TRAPPC9: variants seen among roughly 807,000 people sequenced by gnomAD.
TRAPPC9 encodes the protein trafficking protein particle complex subunit 9.
TRAPPC9 carries 83 observed loss-of-function variants against 124.0 expected under a neutral mutation model. The observed-to-expected ratio is 0.67, with a 90% CI of 0.56 to 0.80. TRAPPC9 has a LOEUF of 0.80. Among genes scored for constraint, TRAPPC9 ranks in the 30% least tolerant of loss-of-function variants. The pLI is 0.00. For missense variants in TRAPPC9, 1,302 were observed against 1,508.3 expected (o/e 0.86, Z 2.27); for synonymous variants, 638 against 617.5 (o/e 1.03, Z -0.49).
In TRAPPC9 at chr8:139,830,601, G is replaced by A. The variant is rs576878443; in HGVS notation, c.3055+55278C>T. ...ACACATACACATGCACACACCACAC[G>A]CATACACCACACGCATACACACACA... On this transcript the variant is annotated intron_variant, in intron 21 of 22. Coordinates refer to ENST00000438773, the MANE Select transcript of TRAPPC9 (RefSeq NM_001160372.4). 2.9e-4 allele frequency among the ~76,000 whole-genome samples: 43 copies of A among 149,286 alleles called. 1 individual carries two copies. Among genetic ancestry groups the A allele is most frequent in the African/African-American group, 5.2e-4 (21 of 40,342 alleles).
At chr8:140,017,425 G>A (rs1224146185) in intron 18 of TRAPPC9, among the ~76,000 whole-genome samples, 1 of 152,160 alleles carries the variant, frequency 6.6e-6, no homozygotes, top group Non-Finnish European at 1.5e-5. Context: ...GTGAAGGGTT[G>A]TTTTTATTCC....
chr8:140,173,478 C>T (rs1257052998), intron 17 of TRAPPC9, among the ~76,000 whole-genome samples: 1 of 149,150 alleles, frequency 6.7e-6, no homozygotes, highest in East Asian at 2.0e-4. Context: ...GGCGTGAACC[C>T]AGGACGTGGA....
At chr8:140,297,422 C>T (rs1425201469) in intron 11 of TRAPPC9, among the ~76,000 whole-genome samples, 3 of 152,042 alleles carry the variant, frequency 2.0e-5, no homozygotes, top group South Asian at 2.1e-4. Context: ...CATATACACA[C>T]GCATACACAC....
At chr8:140,234,570 A>T (rs1489315414) in intron 16 of TRAPPC9, among the ~76,000 whole-genome samples, 1 of 152,254 alleles carries the variant, frequency 6.6e-6, no homozygotes, top group Non-Finnish European at 1.5e-5. Flanking sequence ...AGACAGAGAA[A>T]AAAAAGAACT....
intron 17 of TRAPPC9, among the ~76,000 whole-genome samples, chr8:140,066,164 C>A (rs1842886225): frequency 1.3e-5 from 2 of 152,168 alleles, no homozygotes; most frequent in Admixed American, 1.3e-4. Flanking sequence ...GAAGTAACTG[C>A]AGATATGGTA....
At chr8:139,902,678 T>C (rs1831094167) in intron 20 of TRAPPC9, among the ~76,000 whole-genome samples, 1 of 152,194 alleles carries the variant, frequency 6.6e-6, no homozygotes, top group Admixed American at 6.5e-5. Flanking sequence ...TATTTAATTT[T>C]TTTCAGGAGA....
intron 21 of TRAPPC9, among the ~76,000 whole-genome samples, chr8:139,807,158 C>T (rs941305530): frequency 2.0e-5 from 3 of 152,308 alleles, no homozygotes; most frequent in South Asian, 2.1e-4. Context: ...GGATTTCCAG[C>T]GCAGAGAGCT....
At chr8:139,943,442 A>C (rs1472485459) in intron 19 of TRAPPC9, among the ~76,000 whole-genome samples, 1 of 152,226 alleles carries the variant, frequency 6.6e-6, no homozygotes, top group Non-Finnish European at 1.5e-5. Flanking sequence ...AACTCTCTCC[A>C]AAGGACTATA....
Position 139,779,924 on chromosome 8 carries a change from C to A in TRAPPC9, c.3056-47722G>T, listed in dbSNP as rs532236077. ...AGTAAAAACATAATATCACTAGCATCCCCAAAATGAAATACTGTGCTATAA... is the reference window on the plus strand; with the variant it reads ...AGTAAAAACATAATATCACTAGCATACCCAAAATGAAATACTGTGCTATAA... On this transcript the variant is annotated intron_variant, in intron 21 of 22. Transcript: ENST00000438773. Among the ~76,000 whole-genome samples the A allele has an allele frequency of 1.0e-3, 152 of 152,146 alleles. 1 individual carries two copies. The highest frequency in any genetic ancestry group is 3.5e-3 in the African/African-American group (147 of 41,526).
At chr8:140,113,877 G>C (rs2130533808) in intron 17 of TRAPPC9, among the ~76,000 whole-genome samples, 1 of 152,220 alleles carries the variant, frequency 6.6e-6, no homozygotes, top group East Asian at 1.9e-4. Context: ...GTCCACATTA[G>C]AGTCCCTGAC....
At chr8:140,079,207 C>T (rs1452710077) in intron 17 of TRAPPC9, among the ~76,000 whole-genome samples, 1 of 152,176 alleles carries the variant, frequency 6.6e-6, no homozygotes, top group African/African-American at 2.4e-5. Context: ...CAATGTGGAA[C>T]TGTGAGTCCA....
chr8:140,457,495 G>T, intron 1 of TRAPPC9, 144 bp downstream of exon 1: 1 of 661,176 alleles, frequency 1.5e-6, no homozygotes, highest in Non-Finnish European at 1.9e-6. Context: ...CAGCGGACCC[G>T]GACAGGTGTG....
intron 17 of TRAPPC9, among the ~76,000 whole-genome samples, chr8:140,179,813 C>T (rs2062156282): frequency 6.6e-6 from 1 of 152,018 alleles, no homozygotes; most frequent in Non-Finnish European, 1.5e-5. Context: ...TTCATCATTA[C>T]AAAACGTCCC....
At chr8:139,738,064 G>A (rs1818317875) in intron 21 of TRAPPC9, among the ~76,000 whole-genome samples, 1 of 152,224 alleles carries the variant, frequency 6.6e-6, no homozygotes. Context: ...CAGGCAGGCA[G>A]TTTCAGCCCA....
intron 17 of TRAPPC9, among the ~76,000 whole-genome samples, chr8:140,116,891 G>GAGTAGGCGGAGTTCAGTA (rs2060898993): frequency 2.2e-5 from 2 of 89,836 alleles, no homozygotes; most frequent in Non-Finnish European, 4.8e-5. Context: ...GGAGTTCAGT[G>GAGTAGGCGGAGTTCAGTA]AGTAGGCGGA....
intron 5 of TRAPPC9, among the ~76,000 whole-genome samples, chr8:140,406,808 T>A (rs964577271): frequency 1.1e-4 from 17 of 152,216 alleles, no homozygotes; most frequent in African/African-American, 3.4e-4. Context: ...TCCTGCTGAT[T>A]TTGTGAAAAT....
chr8:140,218,516 C>T (rs1171995110), intron 17 of TRAPPC9, among the ~76,000 whole-genome samples: 1 of 151,888 alleles, frequency 6.6e-6, no homozygotes, highest in Admixed American at 6.6e-5. Context: ...GGTTCCACTG[C>T]CCCTGCTACT....
intron 2 of TRAPPC9, among the ~76,000 whole-genome samples, chr8:140,443,197 A>G (rs2071098477): frequency 7.2e-6 from 1 of 138,192 alleles, no homozygotes; most frequent in Admixed American, 7.6e-5. Context: ...GCACTTTGGG[A>G]GGCCAAGGCG....
intron 19 of TRAPPC9, among the ~76,000 whole-genome samples, chr8:139,962,421 T>G (rs1835409122): frequency 8.0e-6 from 1 of 125,424 alleles, no homozygotes; most frequent in Non-Finnish European, 1.9e-5. Context: ...ACACAAGTTG[T>G]ATGTTCTCTT....
Sources: gnomAD v4.1 joint callset for allele counts (sites outside exome capture counted in the v4.1 genomes callset) on GRCh38, gnomAD v4.1.1 for gene constraint, MANE v1.5 for transcripts, NCBI Gene and HGNC (gene_info 2026-07-23, HGNC 2026-07-21) for gene names.